Variants in NPSR1 observed in about 807,000 individuals in gnomAD.
The protein encoded by NPSR1 is neuropeptide S receptor 1, also known as neuropeptide S receptor.
Under a neutral mutation model 46.9 loss-of-function variants are expected in NPSR1, and 48 were observed. The observed-to-expected ratio is 1.02, with a 90% CI of 0.81 to 1.30. The LOEUF (loss-of-function observed/expected upper bound fraction) is 1.30. NPSR1 is among the 50% of genes most tolerant of loss of function. NPSR1 has a pLI of 0.00. For missense variants in NPSR1, 450 were observed against 449.5 expected (o/e 1.00, Z -0.01); for synonymous variants, 176 against 168.1 (o/e 1.05, Z -0.36).
chr7:34,728,699 C>T (rs1784278966), intron 2 of NPSR1: 1 of 152,582 alleles, frequency 6.6e-6, no homozygotes, highest in Non-Finnish European at 1.5e-5. Flanking sequence ...GGGAATAACC[C>T]CTCTGATGGG....
intron 2 of NPSR1, chr7:34,753,596 G>A (rs1345844729): frequency 6.6e-6 from 1 of 152,256 alleles, no homozygotes; most frequent in Non-Finnish European, 1.5e-5. Flanking sequence ...ATTGCCTAAG[G>A]AAGCATGAAC....
intron 4 of NPSR1, among the ~76,000 whole-genome samples, chr7:34,817,796 A>G (rs1479275019): frequency 6.6e-6 from 1 of 152,238 alleles, no homozygotes; most frequent in African/African-American, 2.4e-5. Context: ...TCCATCACAT[A>G]AACAGAACCA....
Position 34,834,033 on chromosome 7 carries a change from G to A in NPSR1, c.681-351G>A, listed in dbSNP as rs1047780535. ...GATGTCATTTAAAAGACTGTCTAAA[G>A]TCAGGACTGTACAACAGACAAGTAG... On this transcript the variant is annotated intron_variant, in intron 5 of 8. Transcript: ENST00000360581. 8 of 276,128 alleles carry A rather than the reference G, an allele frequency of 2.9e-5. No homozygotes were observed. The Admixed American group carries it at 4.0e-4, about 14-fold the overall frequency. The allele number at this position is 276,128 out of a possible 1,614,324, so 17.1% of individuals were successfully genotyped here. A position where few individuals can be genotyped will look rare whatever the true frequency, so the allele number is the denominator to read the frequency against.
intron 1 of NPSR1, among the ~76,000 whole-genome samples, chr7:34,668,533 C>T (rs1229389997): frequency 1.3e-5 from 2 of 152,174 alleles, no homozygotes; most frequent in Admixed American, 6.5e-5. Flanking sequence ...TTGATCATTT[C>T]ATTCATCAAT....
At position 34,849,653 on chromosome 7, in the gene NPSR1, T is replaced by C; in HGVS notation, c.1114T>C (p.Ter372GlnextTer8). ...MQILSKPEFI* is the reference protein window; with the variant it reads ...MQILSKPEFIQ ...GATTCTGTCCAAGCCAGAATTCATC[T>C]AGACCCTAGGGCAGTGCCAGTGCTA... is the stretch of plus-strand genomic sequence containing the variant. The change falls in exon 9 of 9, where the codon TAG becomes CAG. Residue 372 changes from the stop codon to glutamine (Q), a stop_lost. Transcript: ENST00000360581. 3 of 1,614,126 alleles carry C rather than the reference T, an allele frequency of 1.9e-6. No individual in the cohort carries two copies. The highest frequency in any genetic ancestry group is 2.5e-6 in the Non-Finnish European group (3 of 1,180,022).
chr7:34,694,213 A>T (rs963112708), intron 2 of NPSR1, among the ~76,000 whole-genome samples: 1 of 152,168 alleles, frequency 6.6e-6, no homozygotes. Flanking sequence ...AAATTACCAA[A>T]TTATCTCTGT....
chr7:34,841,631 G>A (rs561980112), intron 6 of NPSR1, among the ~76,000 whole-genome samples: 1 of 152,312 alleles, frequency 6.6e-6, no homozygotes, highest in South Asian at 2.1e-4. Context: ...TCTCTCTGAA[G>A]GGCCATCTTT....
At chr7:34,711,062 C>T in intron 2 of NPSR1, 1 of 333,128 alleles carries the variant, frequency 3.0e-6, no homozygotes. Context: ...TGATGTGAGC[C>T]CAAAGGTCCA....
intron 5 of NPSR1, among the ~76,000 whole-genome samples, chr7:34,831,869 G>C (rs1408473601): frequency 6.6e-6 from 1 of 151,944 alleles, no homozygotes; most frequent in Non-Finnish European, 1.5e-5. Context: ...AGTGGAAAAA[G>C]CACATTAGTC....
intron 6 of NPSR1, among the ~76,000 whole-genome samples, chr7:34,844,450 G>GT (rs1219142613): frequency 1.3e-5 from 2 of 151,172 alleles, no homozygotes; most frequent in Admixed American, 6.6e-5. Context: ...TTTTGTTTTT[G>GT]TTTTTTTGTT....
rs529495331 is a variant in NPSR1, at chr7:34,724,203, G to A, written c.280+39519G>A. 2.6e-5 allele frequency among the ~76,000 whole-genome samples: 4 copies of A among 152,232 alleles called. No individual in the cohort carries two copies. The South Asian group carries it at 8.3e-4, about 32-fold the overall frequency. On this transcript the variant is annotated intron_variant, in intron 2 of 8. Coordinates refer to ENST00000360581, the MANE Select transcript of NPSR1 (RefSeq NM_207172.2). The stretch of plus-strand genomic sequence containing the variant: ...TAACTAGATATTGAAAAACACTATA[G>A]CTAGCATAAAGGAAAACTTCTGAAC...
At chr7:34,797,974 T>TA (rs1451924577) in intron 3 of NPSR1, among the ~76,000 whole-genome samples, 3 of 152,000 alleles carry the variant, frequency 2.0e-5, no homozygotes, top group African/African-American at 7.2e-5. Context: ...TTCTCAGACA[T>TA]ACAAAAACAG....
At chr7:34,826,155 C>T (rs945612287) in intron 4 of NPSR1, among the ~76,000 whole-genome samples, 2 of 152,196 alleles carry the variant, frequency 1.3e-5, no homozygotes, top group Admixed American at 6.5e-5. Flanking sequence ...AGTGGATTAC[C>T]GGTTGCATGT....
intron 8 of NPSR1, among the ~76,000 whole-genome samples, chr7:34,873,729 A>G (rs958447947): frequency 2.0e-5 from 3 of 151,760 alleles, no homozygotes; most frequent in African/African-American, 7.3e-5. Flanking sequence ...TGGGGGTTAC[A>G]TTTCAGCATG....
At chr7:34,780,010 G>C (rs897065688) in intron 3 of NPSR1, among the ~76,000 whole-genome samples, 1 of 152,128 alleles carries the variant, frequency 6.6e-6, no homozygotes, top group Non-Finnish European at 1.5e-5. Flanking sequence ...GGCTTTAGTG[G>C]AATACTCAGT....
intron 2 of NPSR1, among the ~76,000 whole-genome samples, chr7:34,706,674 A>G (rs1475646623): frequency 2.0e-5 from 3 of 152,076 alleles, no homozygotes; most frequent in Non-Finnish European, 2.9e-5. Context: ...CTTTAATTCC[A>G]TACTGTCAAA....
intron 2 of NPSR1, 33 bp from the exon 3 acceptor site, chr7:34,778,429 C>A (rs772758299): frequency 8.1e-7 from 1 of 1,227,328 alleles, no homozygotes; most frequent in Non-Finnish European, 1.2e-6. Flanking sequence ...TAAAAATAAA[C>A]CCTGAATGTA....
chr7:34,878,257 A>G lies in NPSR1; in HGVS notation c.*73A>G, dbSNP rs139423401. ...TCACTGCTTACCAGGGCACAAGGAC[A>G]CCAGTGGTTCCCAAAATGGGTCACA... On this transcript the variant is annotated 3_prime_UTR_variant, in exon 9 of 9. Transcript: ENST00000359791. The G allele has an allele frequency of 2.2e-4, 192 of 871,086 alleles. No homozygotes were observed. The East Asian group carries it at 5.1e-3, about 23-fold the overall frequency. The allele number at this position is 871,086 out of a possible 1,614,324, so 54.0% of individuals were successfully genotyped here. A position where few individuals can be genotyped will look rare whatever the true frequency, so the allele number is the denominator to read the frequency against.
At chr7:34,744,502 C>G (rs1785108918) in intron 2 of NPSR1, among the ~76,000 whole-genome samples, 3 of 152,080 alleles carry the variant, frequency 2.0e-5, no homozygotes, top group Admixed American at 1.3e-4. Context: ...TTTCTGGCAC[C>G]TAGCAGGGAT....
Sources: allele counts gnomAD v4.1 joint callset (sites outside exome capture counted in the v4.1 genomes callset), GRCh38; gene constraint gnomAD v4.1.1; transcripts MANE v1.5; gene names NCBI Gene and HGNC (gene_info 2026-07-23, HGNC 2026-07-21).